The following MCF2L2 variants were observed in gnomAD, a reference collection of about 807,000 sequenced individuals.
MCF2L2 encodes probable guanine nucleotide exchange factor MCF2L2.
A neutral mutation model predicts 150.2 loss-of-function variants in MCF2L2; 102 were observed. The ratio of observed to expected loss-of-function variants is 0.68; its 90% CI spans 0.58 to 0.80. The LOEUF is 0.80. Among genes scored for constraint, MCF2L2 ranks in the 30% least tolerant of loss-of-function variants. The pLI is 0.00. For synonymous variants in MCF2L2, 465 were observed against 491.3 expected, an observed-to-expected ratio of 0.95 and a Z score of 0.71; for missense variants, 1,256 against 1,372.8, an observed-to-expected ratio of 0.91 and a Z score of 1.34.
intron 13 of MCF2L2, among the ~76,000 whole-genome samples, chr3:183,291,057 C>CA (rs1728113676): frequency 6.6e-6 from 1 of 152,148 alleles, no homozygotes; most frequent in Non-Finnish European, 1.5e-5. Flanking sequence ...ACTGCTACCC[C>CA]AGGTTATACA....
At chr3:183,276,830 C>CGCACCCCCTCGCCCCCT in intron 15 of MCF2L2, 42 bp downstream of exon 15, 1 of 1,442,576 alleles carries the variant, frequency 6.9e-7, no homozygotes. Flanking sequence ...ACCCATGCCC[C>CGCACCCCCTCGCCCCCT]GCACCCCCTC....
chr3:183,324,393 G>A (rs1729941185), intron 5 of MCF2L2, among the ~76,000 whole-genome samples: 1 of 152,144 alleles, frequency 6.6e-6, no homozygotes, highest in African/African-American at 2.4e-5. Context: ...GTGGGACAAG[G>A]ACTCCTCACT....
intron 14 of MCF2L2, among the ~76,000 whole-genome samples, chr3:183,286,151 A>T (rs569281560): frequency 7.9e-5 from 12 of 152,272 alleles, no homozygotes; most frequent in African/African-American, 2.6e-4. Flanking sequence ...CCCTCCAGAA[A>T]AGGAAATGAT....
intron 5 of MCF2L2, among the ~76,000 whole-genome samples, chr3:183,324,832 T>C (rs942301446): frequency 6.6e-6 from 1 of 151,648 alleles, no homozygotes; most frequent in African/African-American, 2.4e-5. Context: ...TAAAAAAAAG[T>C]GCCAGGTTAT....
At chr3:183,225,252 C>T (rs1392475229) in intron 18 of MCF2L2, 1 of 152,282 alleles carries the variant, frequency 6.6e-6, no homozygotes, top group Non-Finnish European at 1.5e-5. Context: ...ATAGGAACTA[C>T]AGCAACCGTC....
intron 18 of MCF2L2, chr3:183,224,418 G>A (rs944175962): frequency 3.7e-5 from 17 of 463,540 alleles, no homozygotes; most frequent in Admixed American, 1.4e-4. Flanking sequence ...AGTGCTCTGG[G>A]AGCATCTACA....
rs764626477 is a variant in MCF2L2 at position 183,229,645 on chromosome 3, A to T, written c.2045+21T>A. On this transcript the variant is annotated intron_variant, in intron 17 of 29. Transcript: ENST00000328913. ...CTTCTCTTACTCTCCATTCTTTCTG[A>T]TAACATGAATTATTATATACCTGTT... 2.7e-6 allele frequency: 3 copies of T among 1,107,638 alleles called. No individual in the cohort carries two copies. The South Asian group carries it at 4.0e-5, about 15-fold the overall frequency. 68.6% of individuals were successfully genotyped at this position (1,107,638 alleles called of 1,614,324 possible). A position where few individuals can be genotyped will look rare whatever the true frequency, so the allele number is the denominator to read the frequency against.
At position 183,305,903 on chromosome 3, in the gene MCF2L2, G is replaced by A. The variant is rs1034281732; in HGVS notation, c.1113+3813C>T. On this transcript the variant is annotated intron_variant, in intron 10 of 29. Transcript: ENST00000328913. This position sits in a 1 kb window ranked among gnomAD's most constrained non-coding sequence, Gnocchi z 4.1. ...GGATTCAGCCACCACATGGCTGGAA[G>A]GTCACTATTACAGAATTGAAAGGAC... Among the ~76,000 whole-genome samples the A allele has an allele frequency of 6.6e-6, 1 of 152,160 alleles. No homozygotes were observed. Among genetic ancestry groups the A allele is most frequent in the African/African-American group, 2.4e-5 (1 of 41,438 alleles).
intron 7 of MCF2L2, among the ~76,000 whole-genome samples, chr3:183,317,778 C>T (rs1729658820): frequency 6.6e-6 from 1 of 152,118 alleles, no homozygotes; most frequent in Non-Finnish European, 1.5e-5. Flanking sequence ...CCGGACAAAG[C>T]TGGAAAAGCC....
intron 15 of MCF2L2, 71 bp from the exon 16 acceptor site, chr3:183,231,088 C>T: frequency 1.7e-6 from 2 of 1,153,546 alleles, no homozygotes; most frequent in Non-Finnish European, 2.6e-6. Flanking sequence ...TTTTAGAATT[C>T]TGTTAGAATA....
Position 183,264,457 on chromosome 3 carries a change from G to C in MCF2L2, c.1862+12415C>G, listed in dbSNP as rs1725914525. On this transcript the variant is annotated intron_variant, in intron 15 of 29. Transcript: ENST00000328913. ...CTATGCTTTCATGTGGGAACTACGA[G>C]TCTTGTCACAAATAGAGTGTAAATG... Among the ~76,000 whole-genome samples the C allele has an allele frequency of 2.0e-5, 3 of 152,228 alleles. 1 individual carries two copies. The South Asian group carries it at 6.2e-4, about 31-fold the overall frequency.
intron 25 of MCF2L2, among the ~76,000 whole-genome samples, chr3:183,202,321 C>A (rs1320500764): frequency 6.6e-6 from 1 of 152,086 alleles, no homozygotes; most frequent in South Asian, 2.1e-4. Flanking sequence ...AACAGTGGGG[C>A]AAACATGGGC....
chr3:183,373,823 A>C (rs1713026298), intron 3 of MCF2L2: 1 of 152,186 alleles, frequency 6.6e-6, no homozygotes, highest in South Asian at 2.1e-4. Context: ...TTTAAAATAA[A>C]TCACGATGAG....
intron 21 of MCF2L2, among the ~76,000 whole-genome samples, chr3:183,217,010 T>A (rs984446535): frequency 2.0e-5 from 3 of 151,266 alleles, no homozygotes; most frequent in South Asian, 4.2e-4. Context: ...AAAAATACCA[T>A]ATGGCCGGGC....
intron 5 of MCF2L2, among the ~76,000 whole-genome samples, chr3:183,328,325 G>A (rs1394784753): frequency 6.6e-6 from 1 of 152,126 alleles, no homozygotes; most frequent in Non-Finnish European, 1.5e-5. Flanking sequence ...CAAGGAGGAG[G>A]CTGTCAGAAC....
At chr3:183,339,034 C>G (rs1463612368) in intron 4 of MCF2L2, 115 bp from the exon 5 acceptor site, 2 of 1,025,714 alleles carry the variant, frequency 1.9e-6, no homozygotes, top group African/African-American at 3.2e-5. Flanking sequence ...AAAGTTAAAA[C>G]GGATGCCATG....
At chr3:183,234,747 G>T (rs1452379326) in intron 15 of MCF2L2, among the ~76,000 whole-genome samples, 7 of 110,836 alleles carry the variant, frequency 6.3e-5, no homozygotes, top group African/African-American at 2.6e-4. Context: ...TGCACATTGT[G>T]CAGGTTAGTT....
chr3:183,324,061 A>G (rs1005289998), intron 5 of MCF2L2, among the ~76,000 whole-genome samples: 9 of 152,210 alleles, frequency 5.9e-5, no homozygotes, highest in African/African-American at 2.2e-4. Context: ...GAGAAGCCCA[A>G]TCAAAGCTGG....
intron 1 of MCF2L2, among the ~76,000 whole-genome samples, chr3:183,410,643 T>A (rs1057233139): frequency 6.6e-6 from 1 of 152,226 alleles, no homozygotes; most frequent in Non-Finnish European, 1.5e-5. Flanking sequence ...GCACACTGAA[T>A]ATGGGGCAAG....
Sources: gnomAD v4.1 joint callset for allele counts (sites outside exome capture counted in the v4.1 genomes callset) on GRCh38, gnomAD v4.1.1 for gene constraint, Gnocchi (gnomAD v3.1) non-coding constraint, MANE v1.5 for transcripts, NCBI Gene and HGNC (gene_info 2026-07-23, HGNC 2026-07-21) for gene names.